Variants in PKHD1 observed in about 807,000 individuals in gnomAD.
PKHD1 encodes the protein PKHD1 ciliary IPT domain containing fibrocystin/polyductin, also known as fibrocystin.
PKHD1 carries 291 observed loss-of-function variants against 412.0 expected under a neutral mutation model. The observed-to-expected ratio is 0.71, with a 90% CI of 0.64 to 0.78. The LOEUF is 0.78. Among genes scored for constraint, PKHD1 ranks in the 30% least tolerant of loss-of-function variants. The pLI is 0.00. For synonymous variants in PKHD1, 1,777 were observed against 1,821.5 expected (o/e 0.98, Z 0.62); for missense variants, 4,825 against 4,950.7 (o/e 0.97, Z 0.76).
chr6:52,060,424 G>A (rs183579687), intron 14 of PKHD1, among the ~76,000 whole-genome samples: 4 of 152,254 alleles, frequency 2.6e-5, no homozygotes, highest in Middle Eastern at 3.4e-3. Flanking sequence ...GATTGCTTAT[G>A]AGAATTTGCT....
intron 60 of PKHD1, among the ~76,000 whole-genome samples, chr6:51,741,902 G>A (rs1041020089): frequency 1.3e-5 from 2 of 152,124 alleles, no homozygotes; most frequent in Non-Finnish European, 2.9e-5. Flanking sequence ...CATCCCTTAT[G>A]GATTCCAAAG....
intron 45 of PKHD1, among the ~76,000 whole-genome samples, chr6:51,884,366 A>T: frequency 6.6e-6 from 1 of 152,126 alleles, no homozygotes; most frequent in East Asian, 1.9e-4. Flanking sequence ...TCTCACTTCT[A>T]TTTCATTGAC....
intron 35 of PKHD1, among the ~76,000 whole-genome samples, chr6:51,980,870 C>G (rs975245421): frequency 6.6e-6 from 1 of 152,116 alleles, no homozygotes; most frequent in African/African-American, 2.4e-5. Flanking sequence ...AATCTATGAA[C>G]AATAACAATA....
chr6:51,692,770 T>C (rs1053773666), intron 60 of PKHD1, among the ~76,000 whole-genome samples: 2 of 152,190 alleles, frequency 1.3e-5, no homozygotes, highest in Admixed American at 6.5e-5. Flanking sequence ...TTTTGTTTTA[T>C]ATTAGTATTT....
chr6:51,791,228 T>C lies in PKHD1; in HGVS notation c.8440+8A>G. The C allele has an allele frequency of 6.2e-7, 1 of 1,613,584 alleles. No individual in the cohort carries two copies. Among genetic ancestry groups the C allele is most frequent in the Non-Finnish European group, 8.5e-7 (1 of 1,179,574 alleles). Reference sequence around the variant, plus strand: ...CAACATGCTCGCAATCCTTGTGCCTTTACTCACCAACTTTCAGCTCCCCGC... The same window carrying C: ...CAACATGCTCGCAATCCTTGTGCCTCTACTCACCAACTTTCAGCTCCCCGC... On this transcript the variant is annotated splice_region_variant and intron_variant, in intron 53 of 66. Transcript: ENST00000371117.
chr6:51,943,273 A>C (rs1788859278), intron 36 of PKHD1, among the ~76,000 whole-genome samples: 2 of 151,498 alleles, frequency 1.3e-5, no homozygotes, highest in Admixed American at 1.3e-4. Flanking sequence ...CTCAGAATTC[A>C]GGCCTGAACT....
chr6:51,765,452 A>G (rs1788825064), intron 55 of PKHD1, among the ~76,000 whole-genome samples: 1 of 152,098 alleles, frequency 6.6e-6, no homozygotes, highest in African/African-American at 2.4e-5. Flanking sequence ...ATATCAGACA[A>G]TGCTGCCCTC....
At chr6:51,655,972 G>T (rs536666618) in intron 61 of PKHD1, among the ~76,000 whole-genome samples, 3 of 152,232 alleles carry the variant, frequency 2.0e-5, no homozygotes, top group Non-Finnish European at 4.4e-5. Flanking sequence ...ATTTGACTCA[G>T]CAATCCCACT....
intron 28 of PKHD1, among the ~76,000 whole-genome samples, chr6:52,034,802 A>G (rs1345175320): frequency 6.6e-6 from 1 of 152,244 alleles, no homozygotes; most frequent in African/African-American, 2.4e-5. Flanking sequence ...TTGGAATTGA[A>G]TGTAGTGTAC....
intron 36 of PKHD1, among the ~76,000 whole-genome samples, chr6:51,954,206 C>A (rs1322881293): frequency 6.6e-6 from 1 of 152,106 alleles, no homozygotes; most frequent in African/African-American, 2.4e-5. Flanking sequence ...AATATCCCCT[C>A]ATTTAATACT....
chr6:51,638,811 A>C (rs566650037), intron 64 of PKHD1, 38 bp downstream of exon 64: 2 of 1,305,924 alleles, frequency 1.5e-6, no homozygotes, highest in East Asian at 4.6e-5. Flanking sequence ...AAAAAAAAAA[A>C]AAAAAACACA....
chr6:52,058,276 T>C lies in PKHD1; in HGVS notation c.1512+47A>G, dbSNP rs1407275823. On this transcript the variant is annotated intron_variant, in intron 16 of 66. Transcript: ENST00000371117. ...TCAGTGCTCCTGCTACATGGGACTT[T>C]ATTCCTTCCAGAGTTCAGCTCCATG... 3.1e-6 allele frequency: 5 copies of C among 1,604,374 alleles called. No individual in the cohort carries two copies. The East Asian group carries it at 8.9e-5, about 29-fold the overall frequency.
intron 46 of PKHD1, among the ~76,000 whole-genome samples, chr6:51,873,675 A>AG (rs1417155626): frequency 6.6e-6 from 1 of 152,236 alleles, no homozygotes; most frequent in Non-Finnish European, 1.5e-5. Context: ...GAAAGAAGCT[A>AG]AAGGAGTTTA....
intron 6 of PKHD1, among the ~76,000 whole-genome samples, chr6:52,074,967 G>A (rs57024319): frequency 0.011 from 1,706 of 152,254 alleles, 34 homozygotes; most frequent in African/African-American, 0.038. Flanking sequence ...AGATCTGGGC[G>A]CCAGCTGACA....
intron 48 of PKHD1, among the ~76,000 whole-genome samples, chr6:51,866,995 A>T (rs1226814558): frequency 6.6e-6 from 1 of 152,172 alleles, no homozygotes. Context: ...TCTAAAACAG[A>T]ATGCCAAAGC....
chr6:52,052,925 T>C, intron 21 of PKHD1, 151 bp downstream of exon 21: 1 of 706,320 alleles, frequency 1.4e-6, no homozygotes, highest in Non-Finnish European at 2.5e-6. Context: ...CAAAGACACA[T>C]AATCCCAGCC....
chr6:51,962,217 G>T (rs1792152088), intron 35 of PKHD1, among the ~76,000 whole-genome samples: 1 of 152,000 alleles, frequency 6.6e-6, no homozygotes, highest in South Asian at 2.1e-4. Context: ...ACATTAACCT[G>T]GTGGTCAGAT....
chr6:51,918,247 G>A (rs547174175), intron 37 of PKHD1, among the ~76,000 whole-genome samples: 11 of 151,828 alleles, frequency 7.2e-5, no homozygotes, highest in African/African-American at 1.7e-4. Flanking sequence ...TGCGCAGAAC[G>A]TGCAGGTTTG....
At chr6:51,626,918 CAG>C in intron 66 of PKHD1, 77 bp downstream of exon 66, 2 of 1,487,892 alleles carry the variant, frequency 1.3e-6, no homozygotes, top group Non-Finnish European at 1.9e-6. Context: ...GCTTCAGAGA[CAG>C]AGCTGAAGGA....
Sources: gnomAD v4.1 joint callset for allele counts (sites outside exome capture counted in the v4.1 genomes callset) on GRCh38, gnomAD v4.1.1 for gene constraint, MANE v1.5 for transcripts, NCBI Gene and HGNC (gene_info 2026-07-23, HGNC 2026-07-21) for gene names.